The following DIAPH3 variants were observed in gnomAD, a reference collection of about 807,000 sequenced individuals.
The protein encoded by DIAPH3 is diaphanous related formin 3, also known as protein diaphanous homolog 3.
A neutral mutation model predicts 144.3 loss-of-function variants in DIAPH3; 117 were observed. That is an observed-to-expected ratio of 0.81 (90% CI 0.70 to 0.95). DIAPH3 has a LOEUF of 0.95. DIAPH3 is among the 40% of genes least tolerant of loss of function. DIAPH3 has a pLI of 0.00. For synonymous variants in DIAPH3, 519 were observed against 488.9 expected, an observed-to-expected ratio of 1.06 and a Z score of -0.81; for missense variants, 1,421 against 1,412.7, an observed-to-expected ratio of 1.01 and a Z score of -0.09.
chr13:59,776,307 G>A (rs1252875970), intron 25 of DIAPH3, among the ~76,000 whole-genome samples: 1 of 152,054 alleles, frequency 6.6e-6, no homozygotes, highest in African/African-American at 2.4e-5. Flanking sequence ...CAAAAAAGGT[G>A]GGTGAGAAAT....
chr13:60,026,352 T>C (rs1416481163), intron 5 of DIAPH3, among the ~76,000 whole-genome samples: 1 of 152,170 alleles, frequency 6.6e-6, no homozygotes, highest in Non-Finnish European at 1.5e-5. Context: ...TAAATTGCTG[T>C]AGAAGTAAAT....
intron 27 of DIAPH3, among the ~76,000 whole-genome samples, chr13:59,730,379 T>C (rs1319731647): frequency 1.3e-5 from 2 of 151,982 alleles, no homozygotes; most frequent in Non-Finnish European, 2.9e-5. Flanking sequence ...GCTTGAAAAA[T>C]TATAAAGGAA....
At chr13:59,787,695 C>T (rs2039110864) in intron 25 of DIAPH3, among the ~76,000 whole-genome samples, 1 of 150,924 alleles carries the variant, frequency 6.6e-6, no homozygotes, top group Admixed American at 6.6e-5. Context: ...TAAGAAACAC[C>T]AAGAAATGGG....
intron 3 of DIAPH3, among the ~76,000 whole-genome samples, chr13:60,097,534 T>G (rs982215057): frequency 1.3e-5 from 2 of 152,234 alleles, no homozygotes; most frequent in African/African-American, 4.8e-5. Flanking sequence ...ATGCTTCTTG[T>G]ACAGCTTGCA....
chr13:60,042,824 T>C lies in DIAPH3; in HGVS notation c.496-4A>G, dbSNP rs375641535. The C allele has an allele frequency of 8.1e-5, 130 of 1,612,940 alleles. 1 individual carries two copies. Among genetic ancestry groups the C allele is most frequent in the South Asian group, 4.9e-4 (45 of 91,042 alleles). On this transcript the variant is annotated splice_region_variant and splice_polypyrimidine_tract_variant and intron_variant, in intron 4 of 27. Coordinates refer to ENST00000400324, the MANE Select transcript of DIAPH3 (RefSeq NM_001042517.2). The stretch of plus-strand genomic sequence containing the variant: ...GTCGGCTTCTCTTAAGACTTCCCTA[T>C]AAAATAAGTCAAAAAATGTTTTGAT...
intron 17 of DIAPH3, among the ~76,000 whole-genome samples, chr13:59,962,856 C>G (rs988909445): frequency 1.3e-5 from 2 of 151,996 alleles, no homozygotes; most frequent in Admixed American, 6.6e-5. Context: ...AAATACTGAT[C>G]ATTTTAAATG....
intron 24 of DIAPH3, among the ~76,000 whole-genome samples, chr13:59,812,837 C>T (rs1301699273): frequency 2.0e-5 from 3 of 152,084 alleles, no homozygotes; most frequent in Non-Finnish European, 4.4e-5. Context: ...TAGAGATTTT[C>T]AAGCAAGTGC....
At chr13:59,811,436 G>T (rs1663680414) in intron 24 of DIAPH3, among the ~76,000 whole-genome samples, 1 of 151,948 alleles carries the variant, frequency 6.6e-6, no homozygotes, top group African/African-American at 2.4e-5. Context: ...TGTCGTAAAG[G>T]TAACTAAAGA....
At chr13:60,001,703 A>T (rs75135882) in intron 9 of DIAPH3, among the ~76,000 whole-genome samples, 2 of 152,184 alleles carry the variant, frequency 1.3e-5, no homozygotes, top group African/African-American at 4.8e-5. Context: ...CAAAAACACC[A>T]TGACTTGAAC....
chr13:60,072,168 C>T (rs1232980396), intron 4 of DIAPH3, among the ~76,000 whole-genome samples: 2 of 152,174 alleles, frequency 1.3e-5, no homozygotes, highest in East Asian at 3.9e-4. Flanking sequence ...TCTCGATGCG[C>T]ATCTGCCAAT....
chr13:60,035,812 A>G (rs2055171776), intron 5 of DIAPH3, among the ~76,000 whole-genome samples: 1 of 152,188 alleles, frequency 6.6e-6, no homozygotes, highest in Non-Finnish European at 1.5e-5. Context: ...AAATGCCTTT[A>G]AGAGGTACAA....
chr13:59,737,163 C>T (rs1345683510), intron 27 of DIAPH3, among the ~76,000 whole-genome samples: 1 of 152,158 alleles, frequency 6.6e-6, no homozygotes, highest in Non-Finnish European at 1.5e-5. Context: ...TCTAATTAAA[C>T]TAAAGAGCTT....
intron 11 of DIAPH3, 83 bp downstream of exon 11, chr13:59,991,985 G>A: frequency 1.9e-6 from 2 of 1,040,976 alleles, no homozygotes; most frequent in Middle Eastern, 4.3e-4. Context: ...ATATAGAAAT[G>A]AGCTAAATAT....
chr13:60,053,526 T>C (rs990633580), intron 4 of DIAPH3, among the ~76,000 whole-genome samples: 7 of 152,116 alleles, frequency 4.6e-5, no homozygotes, highest in African/African-American at 1.7e-4. Flanking sequence ...ATATACCCTT[T>C]CCCATACCAT....
At chr13:60,039,738 G>A (rs1055320002) in intron 5 of DIAPH3, among the ~76,000 whole-genome samples, 3 of 151,946 alleles carry the variant, frequency 2.0e-5, no homozygotes, top group Non-Finnish European at 4.4e-5. Flanking sequence ...GATATTACAG[G>A]TCTAACAATG....
At chr13:59,868,019 C>T (rs1192269695) in intron 21 of DIAPH3, among the ~76,000 whole-genome samples, 1 of 152,108 alleles carries the variant, frequency 6.6e-6, no homozygotes, top group East Asian at 1.9e-4. Context: ...AACACTCTCA[C>T]CAAGAACAAG....
chr13:59,908,296 C>T (rs2046831105), intron 20 of DIAPH3, among the ~76,000 whole-genome samples: 2 of 148,366 alleles, frequency 1.3e-5, no homozygotes, highest in Admixed American at 1.4e-4. Context: ...ATCGCTTGAA[C>T]CCAGGAGGCG....
chr13:59,962,378 T>C (rs922997775), intron 17 of DIAPH3, among the ~76,000 whole-genome samples: 2 of 150,998 alleles, frequency 1.3e-5, no homozygotes, highest in Admixed American at 6.6e-5. Flanking sequence ...GTAATACACA[T>C]GTGAGGAAGC....
At chr13:60,077,599 G>A (rs951551321) in intron 4 of DIAPH3, among the ~76,000 whole-genome samples, 3 of 152,040 alleles carry the variant, frequency 2.0e-5, no homozygotes, top group Admixed American at 2.0e-4. Flanking sequence ...GTGAATATGT[G>A]TTACAGGAGG....
Sources: allele counts gnomAD v4.1 joint callset (sites outside exome capture counted in the v4.1 genomes callset), GRCh38; gene constraint gnomAD v4.1.1; transcripts MANE v1.5; gene names NCBI Gene and HGNC (gene_info 2026-07-23, HGNC 2026-07-21).